RBFOX1: variants seen among roughly 807,000 people sequenced by gnomAD.
RBFOX1 encodes RNA binding fox-1 homolog 1.
In RBFOX1, 8 loss-of-function variants were observed where a neutral mutation model predicts 57.7. The ratio of observed to expected loss-of-function variants is 0.14; its 90% confidence interval spans 0.08 to 0.25. The LOEUF is 0.25. RBFOX1 is among the 10% of genes least tolerant of loss of function. RBFOX1 has a pLI of 1.00. For synonymous variants in RBFOX1, 326 were observed against 222.4 expected (o/e 1.47, Z -4.15); for missense variants, 611 against 548.5 (o/e 1.11, Z -1.14).
intron 4 of RBFOX1, among the ~76,000 whole-genome samples, chr16:5,999,472 T>G (rs1042738955): frequency 1.3e-5 from 2 of 152,146 alleles, no homozygotes; most frequent in Admixed American, 6.5e-5. Flanking sequence ...CAAATTTCCT[T>G]AAAAACAGAT....
At chr16:6,786,345 C>A (rs2081960486) in intron 3 of RBFOX1, among the ~76,000 whole-genome samples, 1 of 152,136 alleles carries the variant, frequency 6.6e-6, no homozygotes, top group Admixed American at 6.5e-5. Flanking sequence ...TGTACCCCCA[C>A]AATGAGGAGA....
intron 4 of RBFOX1, among the ~76,000 whole-genome samples, chr16:5,883,905 A>G (rs1339637563): frequency 6.6e-6 from 1 of 152,142 alleles, no homozygotes; most frequent in Non-Finnish European, 1.5e-5. Flanking sequence ...CCCTTTAGGG[A>G]CAACACATTA....
intron 2 of RBFOX1, among the ~76,000 whole-genome samples, chr16:6,378,092 G>A (rs956036914): frequency 1.3e-5 from 2 of 152,244 alleles, no homozygotes; most frequent in African/African-American, 4.8e-5. Context: ...GCTCCACCCT[G>A]TGCCCGCCTA....
intron 4 of RBFOX1, among the ~76,000 whole-genome samples, chr16:7,125,718 A>C (rs2068339093): frequency 6.6e-6 from 1 of 152,144 alleles, no homozygotes; most frequent in African/African-American, 2.4e-5. Context: ...ACAGATGCCT[A>C]AACTCCCTTT....
chr16:7,235,478 C>T (rs1567829532), intron 4 of RBFOX1, among the ~76,000 whole-genome samples: 2 of 152,166 alleles, frequency 1.3e-5, no homozygotes, highest in South Asian at 2.1e-4. Flanking sequence ...ATGTAAACAT[C>T]GTAAACAAGG....
intron 4 of RBFOX1, among the ~76,000 whole-genome samples, chr16:7,373,223 G>A (rs577683129): frequency 3.4e-4 from 51 of 152,176 alleles, no homozygotes; most frequent in Admixed American, 2.2e-3. Context: ...GTGAGCCACC[G>A]CGTCTGGCTG....
chr16:6,553,697 A>G (rs559711329), intron 2 of RBFOX1, among the ~76,000 whole-genome samples: 4 of 152,288 alleles, frequency 2.6e-5, no homozygotes, highest in African/African-American at 9.6e-5. Context: ...AGGATGGGCC[A>G]CTTCTATGAA....
intron 4 of RBFOX1, among the ~76,000 whole-genome samples, chr16:5,973,399 A>G (rs1025428055): frequency 6.6e-6 from 1 of 152,160 alleles, no homozygotes; most frequent in Non-Finnish European, 1.5e-5. Flanking sequence ...CAAACTCATC[A>G]TAGTTAGTAT....
At chr16:5,909,702 G>C (rs7191048) in intron 4 of RBFOX1, among the ~76,000 whole-genome samples, 63,846 of 152,028 alleles carry the variant, frequency 0.42, 13,941 homozygotes, top group African/African-American at 0.52. Flanking sequence ...TTGAGTGGCT[G>C]ATTCACCAAA....
chr16:6,882,518 T>G (rs1316365396), intron 3 of RBFOX1, among the ~76,000 whole-genome samples: 1 of 151,924 alleles, frequency 6.6e-6, no homozygotes, highest in Non-Finnish European at 1.5e-5. Flanking sequence ...CACCTGAACT[T>G]AGGAGGCAGG....
At chr16:6,670,206 G>A (rs187728404) in intron 3 of RBFOX1, among the ~76,000 whole-genome samples, 2 of 152,176 alleles carry the variant, frequency 1.3e-5, no homozygotes, top group Non-Finnish European at 2.9e-5. Context: ...TGGAACCACA[G>A]GAGTGCACCG....
chr16:5,827,826 C>T (rs1429679628), intron 3 of RBFOX1, among the ~76,000 whole-genome samples: 2 of 152,188 alleles, frequency 1.3e-5, no homozygotes, highest in African/African-American at 2.4e-5. Flanking sequence ...CTCACCCATC[C>T]ACCTGGCCAT....
At chr16:7,369,718 A>C (rs1053207357) in intron 4 of RBFOX1, among the ~76,000 whole-genome samples, 1 of 152,190 alleles carries the variant, frequency 6.6e-6, no homozygotes, top group Non-Finnish European at 1.5e-5. Context: ...GATTAGCAAT[A>C]GCATACCTTT....
intron 4 of RBFOX1, among the ~76,000 whole-genome samples, chr16:7,242,160 C>A (rs560750500): frequency 2.0e-5 from 3 of 152,060 alleles, no homozygotes; most frequent in Non-Finnish European, 4.4e-5. Context: ...ACAGAGAAAC[C>A]CATATATGTG....
At chr16:6,011,373 G>GTT (rs553486931) in intron 4 of RBFOX1, among the ~76,000 whole-genome samples, 52 of 147,226 alleles carry the variant, frequency 3.5e-4, no homozygotes, top group African/African-American at 7.9e-4. Context: ...TTTACAGAGT[G>GTT]TTTTTTTTTT....
At chr16:7,628,499 C>T (rs1472487265) in intron 10 of RBFOX1, among the ~76,000 whole-genome samples, 1 of 152,086 alleles carries the variant, frequency 6.6e-6, no homozygotes, top group African/African-American at 2.4e-5. Flanking sequence ...GTTTCATATC[C>T]CAATCTCCAT....
At chr16:6,080,081 A>G (rs781013566) in intron 1 of RBFOX1, among the ~76,000 whole-genome samples, 2 of 152,160 alleles carry the variant, frequency 1.3e-5, no homozygotes, top group Non-Finnish European at 2.9e-5. Flanking sequence ...ATGTTTTCTA[A>G]TGTACAGTGG....
intron 2 of RBFOX1, among the ~76,000 whole-genome samples, chr16:6,354,537 A>C (rs991619089): frequency 2.0e-5 from 3 of 152,182 alleles, no homozygotes; most frequent in African/African-American, 7.2e-5. Flanking sequence ...TCCCAAGATC[A>C]GGACCAAACT....
intron 3 of RBFOX1, among the ~76,000 whole-genome samples, chr16:5,787,969 A>C (rs7188178): frequency 1.3e-5 from 2 of 152,218 alleles, no homozygotes; most frequent in Admixed American, 6.5e-5. Flanking sequence ...AGACTGTTCA[A>C]TTCTGAGTTT....
Sources: allele counts gnomAD v4.1 joint callset (sites outside exome capture counted in the v4.1 genomes callset), GRCh38; gene constraint gnomAD v4.1.1; transcripts MANE v1.5; gene names NCBI Gene and HGNC (gene_info 2026-07-23, HGNC 2026-07-21).